ACCSL: variants seen among roughly 807,000 people sequenced by gnomAD.
ACCSL encodes the protein 1-aminocyclopropane-1-carboxylate synthase homolog (inactive) like.
Under a neutral mutation model 61.7 loss-of-function variants are expected in ACCSL, and 55 were observed. That is an observed-to-expected ratio of 0.89 (90% CI 0.72 to 1.12). The LOEUF (loss-of-function observed/expected upper bound fraction) is 1.12. ACCSL is among the 50% of genes most tolerant of loss of function. ACCSL has a pLI of 0.00. For synonymous variants in ACCSL, 258 were observed against 264.3 expected (o/e 0.98, Z 0.23); for missense variants, 632 against 698.0 (o/e 0.91, Z 1.07).
chr11:43,988,020 G>A, the ACCSL span, among the ~76,000 whole-genome samples: 1 of 152,046 alleles, frequency 6.6e-6, no homozygotes, highest in Non-Finnish European at 1.5e-5. Flanking sequence ...GGTTAGAGCT[G>A]CTTTTTCCCA....
At chr11:43,998,166 A>G in the ACCSL span, among the ~76,000 whole-genome samples, 1 of 152,194 alleles carries the variant, frequency 6.6e-6, no homozygotes, top group African/African-American at 2.4e-5. Context: ...GTTGAATGAG[A>G]CAAGGTGTGT....
At chr11:44,004,955 T>G in the ACCSL span, among the ~76,000 whole-genome samples, 2 of 152,214 alleles carry the variant, frequency 1.3e-5, no homozygotes, top group Non-Finnish European at 2.9e-5. Context: ...GATACACTCC[T>G]AACCAAGGCC....
the ACCSL span, chr11:43,944,568 C>T: frequency 1.3e-5 from 2 of 152,506 alleles, no homozygotes; most frequent in Non-Finnish European, 2.9e-5. Flanking sequence ...ACCATCGAGT[C>T]CTTCCCTTCT....
the ACCSL span, among the ~76,000 whole-genome samples, chr11:43,968,081 A>G: frequency 5.9e-5 from 9 of 152,038 alleles, no homozygotes; most frequent in South Asian, 2.1e-4. Flanking sequence ...TGGTTGTCAT[A>G]CTTTGGGGTG....
At chr11:44,046,925 GAAGGTT>G (rs1590426497), upstream of ACCSL, among the ~76,000 whole-genome samples, 2 of 152,208 alleles carry the variant, frequency 1.3e-5, no homozygotes. Flanking sequence ...TTTTCAAAAG[GAAGGTT>G]AATCCTAATC....
chr11:43,931,577 G>A, the ACCSL span, among the ~76,000 whole-genome samples: 2 of 152,174 alleles, frequency 1.3e-5, no homozygotes, highest in Non-Finnish European at 2.9e-5. Context: ...TGGCTGTGTG[G>A]CCTTGGGAAA....
chr11:44,045,469 C>A (rs762260349), upstream of ACCSL, among the ~76,000 whole-genome samples: 12 of 152,080 alleles, frequency 7.9e-5, 1 homozygote, highest in South Asian at 4.2e-4. Flanking sequence ...CACAAAAAAA[C>A]CAAAACATTT....
chr11:43,970,318 A>G, the ACCSL span, among the ~76,000 whole-genome samples: 1 of 151,530 alleles, frequency 6.6e-6, no homozygotes, highest in Non-Finnish European at 1.5e-5. Context: ...TGATCCTCCC[A>G]CCTCAGCCAG....
the ACCSL span, among the ~76,000 whole-genome samples, chr11:43,978,973 T>C: frequency 5.9e-5 from 9 of 152,200 alleles, no homozygotes; most frequent in South Asian, 2.1e-4. Context: ...GAAAGCCTTG[T>C]GGCACTAATT....
the ACCSL span, chr11:43,942,679 G>A: frequency 9.7e-6 from 2 of 205,816 alleles, no homozygotes; most frequent in South Asian, 5.4e-5. Flanking sequence ...GAGCGCGGCG[G>A]AACAGCGCCC....
the ACCSL span, chr11:43,943,622 C>T: frequency 1.5e-6 from 2 of 1,306,462 alleles, no homozygotes; most frequent in African/African-American, 3.0e-5. This position sits in a 1 kb window ranked among gnomAD's most constrained non-coding sequence, Gnocchi z 4.8. Flanking sequence ...GTTTGCAACT[C>T]CGATTTTGCA....
the ACCSL span, among the ~76,000 whole-genome samples, chr11:43,938,698 G>C: frequency 6.6e-6 from 1 of 152,146 alleles, no homozygotes; most frequent in Non-Finnish European, 1.5e-5. Context: ...AGCTACTCGG[G>C]AGGCTGAGGT....
chr11:44,013,756 A>AACAAAAACAAAAAG, the ACCSL span, among the ~76,000 whole-genome samples: 3 of 151,964 alleles, frequency 2.0e-5, no homozygotes, highest in Non-Finnish European at 4.4e-5. Context: ...TTAATTCAAA[A>AACAAAAACAAAAAG]ACAAAAACAA....
the ACCSL span, among the ~76,000 whole-genome samples, chr11:43,972,992 C>A: frequency 1.9e-3 from 291 of 152,206 alleles, 2 homozygotes; most frequent in African/African-American, 6.4e-3. Flanking sequence ...TTTTTTATAA[C>A]AAAAAGAAAT....
chr11:44,018,093 G>A, the ACCSL span, among the ~76,000 whole-genome samples: 2 of 152,118 alleles, frequency 1.3e-5, no homozygotes, highest in Admixed American at 6.5e-5. Context: ...CACCCATCAG[G>A]GACCTTGAGC....
the ACCSL span, among the ~76,000 whole-genome samples, chr11:43,986,809 G>T: frequency 2.0e-5 from 3 of 152,196 alleles, no homozygotes; most frequent in Non-Finnish European, 4.4e-5. Flanking sequence ...CCCCATAAGT[G>T]CAGGGAGCTT....
the ACCSL span, among the ~76,000 whole-genome samples, chr11:43,984,458 T>C: frequency 6.6e-6 from 1 of 152,130 alleles, no homozygotes; most frequent in Non-Finnish European, 1.5e-5. Context: ...GACTATGGGA[T>C]CACACCTCCT....
At chr11:43,982,129 G>A in the ACCSL span, among the ~76,000 whole-genome samples, 1 of 152,126 alleles carries the variant, frequency 6.6e-6, no homozygotes, top group African/African-American at 2.4e-5. Flanking sequence ...AGCTGTGGAA[G>A]GTGGCCGCGG....
chr11:43,940,358 CT>C, the ACCSL span, among the ~76,000 whole-genome samples: 7,644 of 142,090 alleles, frequency 0.054, 229 homozygotes, highest in East Asian at 0.089. Context: ...GAAATTATAT[CT>C]TTTTTTTTTT....
Sources: allele counts gnomAD v4.1 joint callset (sites outside exome capture counted in the v4.1 genomes callset), GRCh38; gene constraint gnomAD v4.1.1; non-coding constraint Gnocchi (gnomAD v3.1); transcripts MANE v1.5; gene names NCBI Gene and HGNC (gene_info 2026-07-23, HGNC 2026-07-21).